MBOAT1: variants seen among roughly 807,000 people sequenced by gnomAD.
The protein encoded by MBOAT1 is membrane bound glycerophospholipid O-acyltransferase 1, also known as membrane-bound glycerophospholipid O-acyltransferase 1.
A neutral mutation model predicts 64.4 loss-of-function variants in MBOAT1; 67 were observed. The ratio of observed to expected loss-of-function variants is 1.04; its 90% CI spans 0.85 to 1.27. The LOEUF is 1.27. Ranked by LOEUF, MBOAT1 falls within the 50% of genes most tolerant of loss-of-function variation. The pLI is 0.00. For missense variants in MBOAT1, 563 were observed against 604.6 expected (o/e 0.93, Z 0.72); for synonymous variants, 229 against 218.9 (o/e 1.05, Z -0.41).
At chr6:20,122,427 T>C (rs1296228038) in intron 8 of MBOAT1, among the ~76,000 whole-genome samples, 1 of 152,174 alleles carries the variant, frequency 6.6e-6, no homozygotes, top group Non-Finnish European at 1.5e-5. Flanking sequence ...CATGCAACAA[T>C]CTTGAGGGAG....
At chr6:20,191,814 G>A (rs541692464) in intron 1 of MBOAT1, among the ~76,000 whole-genome samples, 8 of 152,200 alleles carry the variant, frequency 5.3e-5, no homozygotes, top group East Asian at 1.9e-4. Context: ...TACTAATAAA[G>A]CTATATTATT....
At chr6:20,111,838 A>ATATATATACG in intron 11 of MBOAT1, among the ~76,000 whole-genome samples, 1 of 129,830 alleles carries the variant, frequency 7.7e-6, no homozygotes, top group African/African-American at 3.3e-5. Context: ...ATATATACAC[A>ATATATATACG]TATATATACA....
At chr6:20,153,099 G>T (rs1401658214) in intron 1 of MBOAT1, among the ~76,000 whole-genome samples, 1 of 152,210 alleles carries the variant, frequency 6.6e-6, no homozygotes, top group African/African-American at 2.4e-5. Flanking sequence ...CTCCCAAAGT[G>T]CTGGGATTAC....
chr6:20,205,074 C>G (rs1382176773), intron 1 of MBOAT1, among the ~76,000 whole-genome samples: 1 of 152,034 alleles, frequency 6.6e-6, no homozygotes, highest in African/African-American at 2.4e-5. Flanking sequence ...TGGTATGCAC[C>G]TTTAGTCCCA....
intron 1 of MBOAT1, among the ~76,000 whole-genome samples, chr6:20,204,832 G>C (rs1046029311): frequency 2.6e-5 from 4 of 152,172 alleles, no homozygotes; most frequent in Admixed American, 2.6e-4. Flanking sequence ...ACCTGAGTTC[G>C]AGTCCTGCCT....
chr6:20,124,630 T>C, intron 7 of MBOAT1, 30 bp from the exon 8 acceptor site: 1 of 1,607,092 alleles, frequency 6.2e-7, no homozygotes, highest in Non-Finnish European at 8.5e-7. Flanking sequence ...AGTGTCACCG[T>C]GCAGAAGGCT....
chr6:20,144,063 T>A (rs543125084), intron 4 of MBOAT1, among the ~76,000 whole-genome samples, 157 bp downstream of exon 4: 1 of 152,292 alleles, frequency 6.6e-6, no homozygotes, highest in Admixed American at 6.5e-5. Flanking sequence ...GTCCTACCAA[T>A]CAATCAAGTC....
chr6:20,113,701 G>A (rs1328140658), intron 10 of MBOAT1, among the ~76,000 whole-genome samples: 1 of 151,942 alleles, frequency 6.6e-6, no homozygotes, highest in East Asian at 1.9e-4. Flanking sequence ...TTTAAAAAAA[G>A]TGACAGGGAA....
rs532284181 is a variant in MBOAT1, at chr6:20,148,467, CCTCTT to C, written c.323+2713_323+2717del. Among the ~76,000 whole-genome samples the C allele has an allele frequency of 2.0e-4, 31 of 152,290 alleles. No individual in the cohort carries two copies. In the East Asian group the frequency reaches 4.2e-3, roughly 21 times the overall value. ...TGGCAGCAAATAGTAATCTTTCCCT[CCTCTT>C]CTCAGCCATGTAGCAGAACTCTTAT... On this transcript the variant is annotated intron_variant, in intron 3 of 12. Transcript: ENST00000324607.
At chr6:20,201,206 A>T (rs1447559944) in intron 1 of MBOAT1, among the ~76,000 whole-genome samples, 1 of 152,156 alleles carries the variant, frequency 6.6e-6, no homozygotes, top group Non-Finnish European at 1.5e-5. Flanking sequence ...TTTTTCTCAT[A>T]ACACAAAGCC....
At chr6:20,171,671 T>C (rs1179393513) in intron 1 of MBOAT1, among the ~76,000 whole-genome samples, 6 of 152,144 alleles carry the variant, frequency 3.9e-5, no homozygotes, top group Non-Finnish European at 8.8e-5. Context: ...TGGAAAACAT[T>C]ATAGCTAACT....
chr6:20,205,760 C>A (rs567726844), intron 1 of MBOAT1, among the ~76,000 whole-genome samples: 2 of 152,034 alleles, frequency 1.3e-5, no homozygotes, highest in Non-Finnish European at 2.9e-5. Flanking sequence ...TCCAAAAGGC[C>A]CCCCCACCCA....
chr6:20,138,989 T>C (rs188101855), intron 4 of MBOAT1, among the ~76,000 whole-genome samples: 170 of 152,268 alleles, frequency 1.1e-3, no homozygotes, highest in Non-Finnish European at 2.1e-3. Context: ...AATGTCGGCC[T>C]CCATCTTGAC....
intron 1 of MBOAT1, among the ~76,000 whole-genome samples, chr6:20,185,096 T>A (rs1014235138): frequency 6.6e-6 from 1 of 151,578 alleles, no homozygotes; most frequent in African/African-American, 2.4e-5. Flanking sequence ...CAAAAAAAAA[T>A]TTAATTAGCT....
intron 4 of MBOAT1, among the ~76,000 whole-genome samples, chr6:20,142,642 G>A (rs560590692): frequency 1.8e-3 from 272 of 152,070 alleles, no homozygotes; most frequent in Admixed American, 4.0e-3. Context: ...TAGAGATAGC[G>A]TTTCACCATG....
chr6:20,202,116 C>T (rs1763139054), intron 1 of MBOAT1, among the ~76,000 whole-genome samples: 1 of 152,114 alleles, frequency 6.6e-6, no homozygotes, highest in African/African-American at 2.4e-5. Flanking sequence ...TTAGCAACTT[C>T]CTGTAAGCCT....
intron 1 of MBOAT1, among the ~76,000 whole-genome samples, chr6:20,189,178 C>T: frequency 6.6e-6 from 1 of 152,184 alleles, no homozygotes; most frequent in African/African-American, 2.4e-5. Context: ...CATTTTGAGA[C>T]TCATCTACCA....
chr6:20,175,810 C>T (rs941642525), intron 1 of MBOAT1, among the ~76,000 whole-genome samples: 2 of 151,616 alleles, frequency 1.3e-5, no homozygotes, highest in Non-Finnish European at 2.9e-5. Context: ...CACTAAGTTT[C>T]GTAGGCTGGT....
chr6:20,183,951 C>A (rs187254857), intron 1 of MBOAT1, among the ~76,000 whole-genome samples: 171 of 152,234 alleles, frequency 1.1e-3, no homozygotes, highest in African/African-American at 3.6e-3. Flanking sequence ...CCCAATAAAC[C>A]CATCAGATCT....
Sources: allele counts gnomAD v4.1 joint callset (sites outside exome capture counted in the v4.1 genomes callset), GRCh38; gene constraint gnomAD v4.1.1; transcripts MANE v1.5; gene names NCBI Gene and HGNC (gene_info 2026-07-23, HGNC 2026-07-21).